SHROOM3: variants seen among roughly 807,000 people sequenced by gnomAD.
SHROOM3 encodes protein Shroom3.
Under a neutral mutation model 138.6 loss-of-function variants are expected in SHROOM3, and 47 were observed. The observed-to-expected ratio is 0.34, with a 90% CI of 0.27 to 0.43. The LOEUF is 0.43. Among genes scored for constraint, SHROOM3 ranks in the 20% least tolerant of loss-of-function variants. The pLI is 1.00. For missense variants in SHROOM3, 2,491 were observed against 2,596.5 expected, an observed-to-expected ratio of 0.96 and a Z score of 0.88; for synonymous variants, 1,062 against 1,063.3, an observed-to-expected ratio of 1.00 and a Z score of 0.02.
chr4:76,756,401 C>G, intron 7 of SHROOM3, 48 bp from the exon 8 acceptor site: 1 of 1,536,776 alleles, frequency 6.5e-7, no homozygotes, highest in Non-Finnish European at 8.8e-7. Flanking sequence ...TTATCACTCT[C>G]TCTTTCTCTC....
At chr4:76,751,844 C>A (rs1271773917) in intron 6 of SHROOM3, among the ~76,000 whole-genome samples, 2 of 152,162 alleles carry the variant, frequency 1.3e-5, no homozygotes, top group Non-Finnish European at 2.9e-5. Flanking sequence ...AAATTAGAAA[C>A]CTTGCACACT....
At chr4:76,437,025 A>G (rs923076665) in intron 1 of SHROOM3, among the ~76,000 whole-genome samples, 1 of 152,182 alleles carries the variant, frequency 6.6e-6, no homozygotes, top group African/African-American at 2.4e-5. Flanking sequence ...GGGAGAAAAA[A>G]TTTTTAATTT....
intron 2 of SHROOM3, among the ~76,000 whole-genome samples, chr4:76,679,313 A>C (rs563380825): frequency 6.6e-6 from 1 of 151,756 alleles, no homozygotes; most frequent in East Asian, 1.9e-4. Context: ...TCCCAGGTCT[A>C]CTCTTGGCCT....
intron 4 of SHROOM3, among the ~76,000 whole-genome samples, chr4:76,734,158 G>A (rs6841020): frequency 0.25 from 37,951 of 151,990 alleles, 5,079 homozygotes; most frequent in African/African-American, 0.33. Flanking sequence ...GGTGAACAAG[G>A]CATAAAAAGC....
intron 2 of SHROOM3, among the ~76,000 whole-genome samples, chr4:76,696,099 T>C (rs1719716471): frequency 6.6e-6 from 1 of 152,068 alleles, no homozygotes; most frequent in Non-Finnish European, 1.5e-5. Flanking sequence ...GGGGAAAAAA[T>C]AAATCTGGAA....
chr4:76,484,050 G>A (rs1285135604), intron 1 of SHROOM3, among the ~76,000 whole-genome samples: 1 of 152,014 alleles, frequency 6.6e-6, no homozygotes, highest in Admixed American at 6.6e-5. Flanking sequence ...TAGATTGACG[G>A]GTTGATGGGT....
chr4:76,552,321 A>G (rs2110027409), intron 1 of SHROOM3, among the ~76,000 whole-genome samples: 1 of 151,030 alleles, frequency 6.6e-6, no homozygotes, highest in East Asian at 1.9e-4. Context: ...AGCCCAGGCA[A>G]CACAGCAAAA....
intron 2 of SHROOM3, among the ~76,000 whole-genome samples, chr4:76,636,881 T>A (rs1199225373): frequency 6.6e-6 from 1 of 152,246 alleles, no homozygotes; most frequent in Non-Finnish European, 1.5e-5. Context: ...TCTTACTTGT[T>A]TTTATTAATC....
At chr4:76,510,866 A>G (rs1732320000) in intron 1 of SHROOM3, among the ~76,000 whole-genome samples, 1 of 152,148 alleles carries the variant, frequency 6.6e-6, no homozygotes, top group Admixed American at 6.5e-5. Flanking sequence ...GAGAATTTCT[A>G]AGATCTCTTC....
At chr4:76,559,851 A>G (rs1334291652) in intron 2 of SHROOM3, among the ~76,000 whole-genome samples, 1 of 152,250 alleles carries the variant, frequency 6.6e-6, no homozygotes, top group African/African-American at 2.4e-5. Context: ...TGACCCATAA[A>G]GAAGGCAGAG....
chr4:76,457,012 T>C (rs1460559688), intron 1 of SHROOM3, among the ~76,000 whole-genome samples: 1 of 152,198 alleles, frequency 6.6e-6, no homozygotes, highest in Non-Finnish European at 1.5e-5. Flanking sequence ...ATCACAATGG[T>C]GGAATGTCAT....
At chr4:76,700,760 T>C (rs911684895) in intron 2 of SHROOM3, among the ~76,000 whole-genome samples, 20 of 151,910 alleles carry the variant, frequency 1.3e-4, no homozygotes, top group African/African-American at 4.3e-4. Flanking sequence ...TATCTTTTTT[T>C]TTTCTTTCTT....
intron 1 of SHROOM3, among the ~76,000 whole-genome samples, chr4:76,483,994 G>A (rs1459181972): frequency 6.6e-6 from 1 of 151,918 alleles, no homozygotes; most frequent in Non-Finnish European, 1.5e-5. Context: ...GCCTGTGGTG[G>A]GGTGGGGGGC....
intron 4 of SHROOM3, among the ~76,000 whole-genome samples, chr4:76,732,089 A>G (rs1720903600): frequency 6.6e-6 from 1 of 152,192 alleles, no homozygotes; most frequent in Admixed American, 6.5e-5. Context: ...CCTCCACTTC[A>G]GACTTGGAAC....
intron 10 of SHROOM3, among the ~76,000 whole-genome samples, chr4:76,775,193 TGA>T: frequency 6.6e-6 from 1 of 152,290 alleles, no homozygotes; most frequent in East Asian, 1.9e-4. Flanking sequence ...CACTTAAAAC[TGA>T]GAACATAAAA....
rs538611038 is a variant in SHROOM3, at chr4:76,728,287, C to T, written c.456-2517C>T. ...ATTCCCACGTGTTGTGGGAGGGACC[C>T]GGTGGGAGGTAATTGAATGATGGAG... On this transcript the variant is annotated intron_variant, in intron 3 of 10. Coordinates refer to ENST00000296043, the MANE Select transcript of SHROOM3 (RefSeq NM_020859.4). Among the ~76,000 whole-genome samples, 103 of 152,250 alleles carry T rather than the reference C, an allele frequency of 6.8e-4. 1 individual carries two copies. The highest frequency in any genetic ancestry group is 2.3e-3 in the African/African-American group (96 of 41,542).
chr4:76,609,872 G>A (rs1407307865), intron 2 of SHROOM3, among the ~76,000 whole-genome samples: 2 of 152,166 alleles, frequency 1.3e-5, no homozygotes, highest in East Asian at 3.9e-4. Flanking sequence ...AGATGCTACT[G>A]AACTGTGAAC....
intron 1 of SHROOM3, among the ~76,000 whole-genome samples, chr4:76,445,826 C>T (rs906439766): frequency 6.6e-6 from 1 of 152,138 alleles, no homozygotes; most frequent in African/African-American, 2.4e-5. Flanking sequence ...CCACCTTCTT[C>T]CTCCCTCTCA....
At chr4:76,669,397 G>T (rs1654520980) in intron 2 of SHROOM3, among the ~76,000 whole-genome samples, 1 of 152,154 alleles carries the variant, frequency 6.6e-6, no homozygotes, top group African/African-American at 2.4e-5. Context: ...GAGGCAGGCA[G>T]ATCACTTGAG....
Sources: gnomAD v4.1 joint callset for allele counts (sites outside exome capture counted in the v4.1 genomes callset) on GRCh38, gnomAD v4.1.1 for gene constraint, MANE v1.5 for transcripts, NCBI Gene and HGNC (gene_info 2026-07-23, HGNC 2026-07-21) for gene names.